Variants in GLIPR1L2 observed in about 807,000 individuals in gnomAD.
GLIPR1L2 encodes GLIPR1 like 2, also known as GLIPR1-like protein 2.
A neutral mutation model predicts 28.4 loss-of-function variants in GLIPR1L2; 21 were observed. That is an observed-to-expected ratio of 0.74 (90% CI 0.52 to 1.06). The LOEUF (loss-of-function observed/expected upper bound fraction) is 1.06. Ranked by LOEUF, GLIPR1L2 falls within the 50% of genes least tolerant of loss-of-function variation. GLIPR1L2 has a pLI of 0.00. For synonymous variants in GLIPR1L2, 145 were observed against 139.3 expected, an observed-to-expected ratio of 1.04 and a Z score of -0.29; for missense variants, 476 against 416.9, an observed-to-expected ratio of 1.14 and a Z score of -1.23.
intron 1 of GLIPR1L2, 57 bp downstream of exon 1, chr12:75,391,407 TGGATCTC>T (rs1389888272): frequency 7.5e-6 from 12 of 1,601,428 alleles, no homozygotes; most frequent in Non-Finnish European, 1.0e-5. Context: ...AACGCCTCCC[TGGATCTC>T]GGGTAGTTGG....
chr12:75,395,820 C>T (rs146276080), intron 1 of GLIPR1L2, among the ~76,000 whole-genome samples: 32 of 152,042 alleles, frequency 2.1e-4, no homozygotes, highest in African/African-American at 7.7e-4. Context: ...GAAGAACCAG[C>T]TCATAGTTCT....
chr12:75,424,346 T>C (rs1300092174), intron 4 of GLIPR1L2, among the ~76,000 whole-genome samples: 2 of 152,232 alleles, frequency 1.3e-5, no homozygotes, highest in East Asian at 3.8e-4. Flanking sequence ...TCTTGTTTGT[T>C]GGATGCATAA....
chr12:75,400,223 A>C (rs549671138), intron 1 of GLIPR1L2, among the ~76,000 whole-genome samples: 16 of 152,094 alleles, frequency 1.1e-4, no homozygotes, highest in African/African-American at 3.9e-4. Flanking sequence ...GGTTCATGCC[A>C]TTCTCCTGCC....
intron 1 of GLIPR1L2, among the ~76,000 whole-genome samples, chr12:75,407,450 T>C (rs1281073616): frequency 2.6e-5 from 4 of 151,950 alleles, no homozygotes; most frequent in African/African-American, 9.7e-5. Context: ...ATCTTACAAG[T>C]GGTGTGGAAC....
chr12:75,425,428 G>A (rs2046024573), intron 4 of GLIPR1L2, among the ~76,000 whole-genome samples: 1 of 152,144 alleles, frequency 6.6e-6, no homozygotes, highest in Admixed American at 6.5e-5. Context: ...GTTTTAATGT[G>A]GGGAAGATGA....
At chr12:75,418,203 A>G (rs2045942290) in intron 3 of GLIPR1L2, among the ~76,000 whole-genome samples, 1 of 152,194 alleles carries the variant, frequency 6.6e-6, no homozygotes, top group Non-Finnish European at 1.5e-5. Context: ...TGATTGTGAT[A>G]AAGTTGGCGT....
intron 1 of GLIPR1L2, among the ~76,000 whole-genome samples, chr12:75,394,117 T>C (rs1174531116): frequency 6.6e-6 from 1 of 152,084 alleles, no homozygotes; most frequent in Admixed American, 6.5e-5. Context: ...ACTTGTTAGA[T>C]TTTTTGTTGT....
At chr12:75,417,937 G>C (rs995190293) in intron 3 of GLIPR1L2, among the ~76,000 whole-genome samples, 1 of 152,078 alleles carries the variant, frequency 6.6e-6, no homozygotes, top group African/African-American at 2.4e-5. Flanking sequence ...ATGACCATAA[G>C]AATTTATGCT....
In GLIPR1L2 at chr12:75,391,131, GC is replaced by G; in HGVS notation, c.18del (p.Phe7SerfsTer14). The G allele has an allele frequency of 6.2e-7, 1 of 1,613,526 alleles. No homozygotes were observed. Among genetic ancestry groups the G allele is most frequent in the Non-Finnish European group, 8.5e-7 (1 of 1,179,766 alleles). MEAAR[P>X]FAREWRAQSL... is the part of the protein sequence containing the mutation. The stretch of plus-strand genomic sequence containing the variant: ...GCCGGTGGACCATGGAGGCCGCAAG[GC>G]CCTTCGCCCGGGAGTGGAGGGCCCA... On this transcript the variant is annotated frameshift_variant, in exon 1 of 6. Coordinates refer to ENST00000550916, the MANE Select transcript of GLIPR1L2 (RefSeq NM_001270396.2). LOFTEE classifies it high-confidence loss of function.
intron 1 of GLIPR1L2, among the ~76,000 whole-genome samples, chr12:75,408,376 A>C (rs2045825522): frequency 6.6e-6 from 1 of 151,976 alleles, no homozygotes; most frequent in Non-Finnish European, 1.5e-5. Flanking sequence ...TGAGACATTT[A>C]ATACATTTAA....
chr12:75,393,658 G>T (rs778267304), intron 1 of GLIPR1L2, among the ~76,000 whole-genome samples: 7 of 151,994 alleles, frequency 4.6e-5, no homozygotes, highest in Non-Finnish European at 1.0e-4. Context: ...TGGATATTTA[G>T]ATTGCTTCCA....
At chr12:75,391,715 AAGAC>A (rs1050955404) in intron 1 of GLIPR1L2, 9 of 405,512 alleles carry the variant, frequency 2.2e-5, no homozygotes, top group Non-Finnish European at 3.2e-5. Context: ...AAATTTAACA[AAGAC>A]AGGTTCCTTG....
intron 3 of GLIPR1L2, among the ~76,000 whole-genome samples, chr12:75,414,780 T>C (rs2045907890): frequency 6.6e-6 from 1 of 151,972 alleles, no homozygotes; most frequent in South Asian, 2.1e-4. Context: ...GGTAGAGGTT[T>C]TTCTGGGGCA....
chr12:75,413,862 A>G (rs962055677), intron 3 of GLIPR1L2, among the ~76,000 whole-genome samples, 161 bp downstream of exon 3: 3 of 152,038 alleles, frequency 2.0e-5, no homozygotes, highest in African/African-American at 7.2e-5. Context: ...TAAGTCTTAA[A>G]TTGGACATAT....
intron 1 of GLIPR1L2, among the ~76,000 whole-genome samples, chr12:75,409,239 C>A (rs1361161757): frequency 6.6e-6 from 1 of 151,890 alleles, no homozygotes; most frequent in Non-Finnish European, 1.5e-5. Context: ...GTTGGACACT[C>A]CTGCTCTAAG....
intron 1 of GLIPR1L2, among the ~76,000 whole-genome samples, chr12:75,404,481 T>G (rs1393320533): frequency 6.6e-6 from 1 of 152,100 alleles, no homozygotes; most frequent in Non-Finnish European, 1.5e-5. Flanking sequence ...GTCTTCTGAA[T>G]TATCAGAATT....
chr12:75,407,150 AC>A (rs2045811619), intron 1 of GLIPR1L2, among the ~76,000 whole-genome samples: 1 of 151,974 alleles, frequency 6.6e-6, no homozygotes, highest in African/African-American at 2.4e-5. Flanking sequence ...TTATTCATTG[AC>A]CCCCTCATCC....
chr12:75,403,086 C>G, intron 1 of GLIPR1L2: 1 of 457,210 alleles, frequency 2.2e-6, no homozygotes, highest in South Asian at 1.5e-5. Flanking sequence ...ACCCAGGACT[C>G]CAAGTGCACC....
chr12:75,403,199 T>C (rs1271323959), intron 1 of GLIPR1L2: 1 of 446,604 alleles, frequency 2.2e-6, no homozygotes, highest in East Asian at 7.0e-5. Context: ...TGAAGGATGG[T>C]GAGGATAGAT....
Sources: allele counts gnomAD v4.1 joint callset (sites outside exome capture counted in the v4.1 genomes callset), GRCh38; gene constraint gnomAD v4.1.1; transcripts MANE v1.5; gene names NCBI Gene and HGNC (gene_info 2026-07-23, HGNC 2026-07-21).